RUVBL2: variants seen among roughly 807,000 people sequenced by gnomAD.
RUVBL2 encodes ruvB-like 2.
In RUVBL2, 9 loss-of-function variants were observed where a neutral mutation model predicts 57.9. That is an observed-to-expected ratio of 0.16 (90% CI 0.09 to 0.27). RUVBL2 has a LOEUF of 0.27. Ranked by LOEUF, RUVBL2 falls within the 10% of genes least tolerant of loss-of-function variation. The pLI is 1.00. For missense variants in RUVBL2, 456 were observed against 669.6 expected, an observed-to-expected ratio of 0.68 and a Z score of 3.52; for synonymous variants, 278 against 264.6, an observed-to-expected ratio of 1.05 and a Z score of -0.49.
chr19:49,004,457 G>A, intron 4 of RUVBL2, 39 bp downstream of exon 4: 1 of 1,577,154 alleles, frequency 6.3e-7, no homozygotes, highest in Non-Finnish European at 8.6e-7. Context: ...CCTGTTTCCT[G>A]CTAAATAACT....
At chr19:48,999,513 CCCT>C in intron 2 of RUVBL2, 140 bp downstream of exon 2, 1 of 829,158 alleles carries the variant, frequency 1.2e-6, no homozygotes, top group Admixed American at 2.0e-5. Context: ...CCCCCACTCG[CCCT>C]ATCTAATGGG....
Position 49,003,152 on chromosome 19 carries a change from C to T in RUVBL2, c.68-127C>T, listed in dbSNP as rs1043771434. Reference sequence around the variant, plus strand: ...ATCCTTTCCATGTGCCCCTTCATTCCCCCAACCCCTGCTCCCTACTCCCAC... The same window carrying T: ...ATCCTTTCCATGTGCCCCTTCATTCTCCCAACCCCTGCTCCCTACTCCCAC... On this transcript the variant is annotated intron_variant, in intron 2 of 14. Transcript: ENST00000595090. 2.5e-5 allele frequency: 20 copies of T among 800,976 alleles called. 1 individual carries two copies. The Admixed American group carries it at 3.7e-4, about 15-fold the overall frequency. 49.6% of individuals were successfully genotyped at this position (800,976 alleles called of 1,614,324 possible).
In RUVBL2 at chr19:49,011,308, G is replaced by A. The variant is rs369850247; in HGVS notation, c.999G>A (p.Thr333=). The stretch of plus-strand genomic sequence containing the variant: ...TCATGGCCACCAACCGTGGCATCAC[G>A]CGGTGAGCCGGCTACAGGGGCCTCT... ...VLIMATNRGI[T]RIRGTSYQSP... Residue 333 remains threonine, a splice_region_variant and synonymous_variant, in exon 11 of 15, where the codon ACG becomes ACA. Coordinates refer to ENST00000595090, the MANE Select transcript of RUVBL2 (RefSeq NM_006666.3). This position sits in a 1 kb window ranked among gnomAD's most constrained non-coding sequence, Gnocchi z 4.4. 114 of 1,612,876 alleles carry A rather than the reference G, an allele frequency of 7.1e-5. 1 individual carries two copies. The highest frequency in any genetic ancestry group is 1.5e-4 in the South Asian group (14 of 91,064).
In RUVBL2 at chr19:49,009,979, G is replaced by T; in HGVS notation, c.576G>T (p.Val192=). Residue 192 remains valine (V), a synonymous_variant, in exon 8 of 15, where the codon GTG becomes GTT. Coordinates refer to ENST00000595090, the MANE Select transcript of RUVBL2 (RefSeq NM_006666.3). ...ACCCCCCATCCCCCTGTAGGGACGT[G>T]ATCACCATCGACAAGGCGACGGGCA... The part of the protein sequence containing the change: ...LTKDKVQAGD[V]ITIDKATGKI... 6.3e-7 allele frequency: 1 copy of T among 1,597,346 alleles called. No individual in the cohort carries two copies. The highest frequency in any genetic ancestry group is 1.1e-5 in the South Asian group (1 of 89,368).
chr19:49,014,556 C>T lies in RUVBL2; in HGVS notation c.1074C>T (p.Ser358=). 1.2e-6 allele frequency: 2 copies of T among 1,614,150 alleles called. No homozygotes were observed. Among genetic ancestry groups the T allele is most frequent in the East Asian group, 2.2e-5 (1 of 44,892 alleles). ...IDLLDRLLIV[S]TTPYSEKDTK... ...TGCTGGACCGGCTGCTTATCGTCTC[C>T]ACCACCCCCTACAGCGAGAAAGACA... Residue 358 remains serine (S), a synonymous_variant, in exon 12 of 15, where the codon TCC becomes TCT. Coordinates refer to ENST00000595090, the MANE Select transcript of RUVBL2 (RefSeq NM_006666.3).
chr19:48,994,494 C>T (rs1435481388), intron 1 of RUVBL2: 2 of 154,908 alleles, frequency 1.3e-5, no homozygotes, highest in African/African-American at 4.8e-5. Flanking sequence ...TGGCCATTTT[C>T]ATATTTCCAG....
At chr19:48,993,478 T>C (rs1023503868), upstream of RUVBL2, 4 of 423,656 alleles carry the variant, frequency 9.4e-6, no homozygotes, top group Admixed American at 1.1e-4. Context: ...CCGTGAGACC[T>C]CCAGGGGGCG....
rs777015686 is a variant in RUVBL2, at chr19:49,015,679, C to T, written c.1359C>T (p.Asn453=). The part of the protein sequence containing the change: ...MKEYQDAFLF[N]ELKGETMDTS ...AGTACCAGGACGCCTTCCTCTTCAA[C>T]GAACTCAGTAAGAATCCCCACCCCG... The change falls in exon 14 of 15, where the codon AAC becomes AAT. Residue 453 remains asparagine (N), a synonymous_variant. Coordinates refer to ENST00000595090, the MANE Select transcript of RUVBL2 (RefSeq NM_006666.3). The T allele has an allele frequency of 2.4e-5, 39 of 1,613,660 alleles. No individual in the cohort carries two copies. Among genetic ancestry groups the T allele is most frequent in the Admixed American group, 2.2e-4 (13 of 60,014 alleles).
At chr19:48,995,707 C>T (rs751184438) in intron 1 of RUVBL2, among the ~76,000 whole-genome samples, 5 of 151,594 alleles carry the variant, frequency 3.3e-5, no homozygotes, top group African/African-American at 7.3e-5. Context: ...AAAATTAGGC[C>T]GGGTGCGGTG....
At chr19:49,015,307 C>T in intron 13 of RUVBL2, 157 bp downstream of exon 13, 1 of 1,000,254 alleles carries the variant, frequency 1.0e-6, no homozygotes, top group Non-Finnish European at 1.5e-6. Context: ...CCAGCCTGGC[C>T]TATAGTAGGT....
intron 4 of RUVBL2, among the ~76,000 whole-genome samples, chr19:49,005,379 TGG>T (rs1568636335): frequency 1.3e-5 from 2 of 152,186 alleles, no homozygotes; most frequent in Non-Finnish European, 2.9e-5. Flanking sequence ...GAGGTGGTCA[TGG>T]ACACGATCCC....
intron 1 of RUVBL2, among the ~76,000 whole-genome samples, chr19:48,997,995 C>T (rs947889681): frequency 5.3e-5 from 8 of 152,154 alleles, no homozygotes; most frequent in African/African-American, 1.7e-4. Context: ...ACATTGAGTC[C>T]CGAGGTGAAC....
chr19:49,007,296 G>T lies in RUVBL2; in HGVS notation c.396-6G>T. On this transcript the variant is annotated splice_polypyrimidine_tract_variant and splice_region_variant and intron_variant, in intron 5 of 14. Coordinates refer to ENST00000595090, the MANE Select transcript of RUVBL2 (RefSeq NM_006666.3). ...GGCTGTCTCCTCAGATCTGCTCTCTGGCTAGGGAGGAGACGGAGATCATCG... is the reference window on the plus strand; with the variant it reads ...GGCTGTCTCCTCAGATCTGCTCTCTTGCTAGGGAGGAGACGGAGATCATCG... The T allele has an allele frequency of 6.2e-7, 1 of 1,613,700 alleles. No individual in the cohort carries two copies. The highest frequency in any genetic ancestry group is 8.5e-7 in the Non-Finnish European group (1 of 1,179,796).
chr19:49,010,887 C>G lies in RUVBL2; in HGVS notation c.788-112C>G. On this transcript the variant is annotated intron_variant, in intron 9 of 14. Coordinates refer to ENST00000595090, the MANE Select transcript of RUVBL2 (RefSeq NM_006666.3). ...GTTTCAGGCTCCTCATCCCTCCTTGCTTTGCTCCCCTTCCTCCATCCCTGG... is the reference window on the plus strand; with the variant it reads ...GTTTCAGGCTCCTCATCCCTCCTTGGTTTGCTCCCCTTCCTCCATCCCTGG... 8 of 1,022,130 alleles carry G rather than the reference C, an allele frequency of 7.8e-6. No individual in the cohort carries two copies. In the South Asian group the frequency reaches 1.2e-4, roughly 15 times the overall value. 63.3% of individuals were successfully genotyped at this position (1,022,130 alleles called of 1,614,324 possible).
rs1050323676 is a variant in RUVBL2, at chr19:49,007,163, G to A, written c.395+16G>A. 12 of 1,612,928 alleles carry A rather than the reference G, an allele frequency of 7.4e-6. No homozygotes were observed. The highest frequency in any genetic ancestry group is 1.1e-5 in the South Asian group (1 of 91,070). ...TTCGCATCAAGTAAGCGGGGGACCC[G>A]AGGCGGGTGCCAGACCCCAGAGCCT... On this transcript the variant is annotated intron_variant, in intron 5 of 14. Coordinates refer to ENST00000595090, the MANE Select transcript of RUVBL2 (RefSeq NM_006666.3).
rs2122607519 is a variant in RUVBL2 at position 49,004,268 on chromosome 19, C to T, written c.124-9C>T. The T allele has an allele frequency of 1.9e-6, 3 of 1,610,438 alleles. No homozygotes were observed. Among genetic ancestry groups the T allele is most frequent in the Non-Finnish European group, 2.5e-6 (3 of 1,179,796 alleles). On this transcript the variant is annotated splice_polypyrimidine_tract_variant and intron_variant, in intron 3 of 14. Transcript: ENST00000595090. The stretch of plus-strand genomic sequence containing the variant: ...AGGAAATCACCTCATGTGCGCCTCC[C>T]ACCCACAGGCTTCGCAAGGCATGGT...
At chr19:48,996,646 C>T (rs1419037542) in intron 1 of RUVBL2, among the ~76,000 whole-genome samples, 1 of 152,118 alleles carries the variant, frequency 6.6e-6, no homozygotes, top group Non-Finnish European at 1.5e-5. Context: ...CTGCCTCAGC[C>T]TCCCAAGTAC....
intron 14 of RUVBL2, 61 bp from the exon 15 acceptor site, chr19:49,015,756 A>T: frequency 6.2e-7 from 1 of 1,612,560 alleles, no homozygotes; most frequent in South Asian, 1.1e-5. Flanking sequence ...AGCTCGGCGT[A>T]GAAGGCTCAG....
chr19:49,010,406 C>T (rs2039390655), intron 8 of RUVBL2, 82 bp from the exon 9 acceptor site: 2 of 1,389,252 alleles, frequency 1.4e-6, no homozygotes, highest in Non-Finnish European at 2.0e-6. Context: ...TCCAGTCTCC[C>T]CCAGACAGAG....
Sources: gnomAD v4.1 joint callset for allele counts (sites outside exome capture counted in the v4.1 genomes callset) on GRCh38, gnomAD v4.1.1 for gene constraint, Gnocchi (gnomAD v3.1) non-coding constraint, MANE v1.5 for transcripts, NCBI Gene and HGNC (gene_info 2026-07-23, HGNC 2026-07-21) for gene names.